Variants in SHROOM3 observed in about 807,000 individuals in gnomAD.
SHROOM3 encodes the protein shroom family member 3, also known as protein Shroom3.
Under a neutral mutation model 138.6 loss-of-function variants are expected in SHROOM3, and 47 were observed. The observed-to-expected ratio is 0.34, with a 90% confidence interval of 0.27 to 0.43. The LOEUF (loss-of-function observed/expected upper bound fraction) is 0.43. Ranked by LOEUF, SHROOM3 falls within the 20% of genes least tolerant of loss-of-function variation. SHROOM3 has a pLI of 1.00. For synonymous variants in SHROOM3, 1,062 were observed against 1,063.3 expected (o/e 1.00, Z 0.02); for missense variants, 2,491 against 2,596.5 (o/e 0.96, Z 0.88).
In SHROOM3 at chr4:76,740,240, C is replaced by G. The variant is rs547875955; in HGVS notation, c.2067C>G (p.Pro689=). The part of the protein sequence containing the change: ...ELGRGTQEGY[P]GGRPTCAVNT... ...GCCGGGGAACCCAGGAGGGTTACCCCGGGGGCAGGCCCACCTGTGCAGTCA... is the reference window on the plus strand; with the variant it reads ...GCCGGGGAACCCAGGAGGGTTACCCGGGGGGCAGGCCCACCTGTGCAGTCA... The change falls in exon 5 of 11, where the codon CCC becomes CCG. Residue 689 remains proline (P), a synonymous_variant. Coordinates refer to ENST00000296043, the MANE Select transcript of SHROOM3 (RefSeq NM_020859.4). The surrounding 1 kb of genome is among the most constrained non-coding windows in gnomAD (Gnocchi z 4.0). 1.9e-6 allele frequency: 3 copies of G among 1,613,236 alleles called. No homozygotes were observed. Among genetic ancestry groups the G allele is most frequent in the East Asian group, 4.5e-5 (2 of 44,854 alleles).
At chr4:76,603,679 C>T (rs1384410669) in intron 2 of SHROOM3, among the ~76,000 whole-genome samples, 2 of 151,792 alleles carry the variant, frequency 1.3e-5, no homozygotes, top group Non-Finnish European at 2.9e-5. Context: ...GTTTGCTGCA[C>T]CCATCAACTC....
chr4:76,722,219 T>C (rs1364957384), intron 3 of SHROOM3, among the ~76,000 whole-genome samples: 2 of 152,108 alleles, frequency 1.3e-5, no homozygotes, highest in Non-Finnish European at 2.9e-5. Flanking sequence ...TTAAAAACAA[T>C]GCTTTACTAT....
Position 76,754,873 on chromosome 4 carries a change from C to T in SHROOM3, c.4390C>T (p.Pro1464Ser), listed in dbSNP as rs150072471. The T allele has an allele frequency of 2.5e-4, 396 of 1,614,200 alleles. No individual in the cohort carries two copies. The highest frequency in any genetic ancestry group is 3.2e-4 in the Non-Finnish European group (375 of 1,180,028). ...LKHYQKQQSL[P>S]SLCSTSDPDT... Reference sequence around the variant, plus strand: ...GCACTATCAAAAACAGCAGAGTCTTCCAAGTTTATGCAGCACTTCTGACCC... The same window carrying T: ...GCACTATCAAAAACAGCAGAGTCTTTCAAGTTTATGCAGCACTTCTGACCC... The change falls in exon 7 of 11, where the codon CCA (proline) becomes TCA (serine). Residue 1464 changes from proline (P) to serine (S), a missense_variant. Around this residue, in one of 4 missense-constraint regions of SHROOM3, gnomAD observed 1,733 missense variants for 1,661.6 expected, o/e 1.04. Coordinates refer to ENST00000296043, the MANE Select transcript of SHROOM3 (RefSeq NM_020859.4).
In SHROOM3 at chr4:76,555,746, C is replaced by T. The variant is rs371647510; in HGVS notation, c.306C>T (p.Leu102=). Reference sequence around the variant, plus strand: ...TGGTGAAAGGATCCTACAAGACCCTCAGGCTGGTAGTGCGCAGGTAGGTGG... The same window carrying T: ...TGGTGAAAGGATCCTACAAGACCCTTAGGCTGGTAGTGCGCAGGTAGGTGG... ...VSLVKGSYKT[L]RLVVRRDVCT... The change falls in exon 2 of 11, where the codon CTC becomes CTT. Residue 102 remains leucine, a synonymous_variant. Coordinates refer to ENST00000296043, the MANE Select transcript of SHROOM3 (RefSeq NM_020859.4). 4 of 1,613,322 alleles carry T rather than the reference C, an allele frequency of 2.5e-6. No individual in the cohort carries two copies. Among genetic ancestry groups the T allele is most frequent in the African/African-American group, 2.7e-5 (2 of 74,918 alleles).
At chr4:76,612,616 A>C (rs1734786456) in intron 2 of SHROOM3, among the ~76,000 whole-genome samples, 1 of 152,168 alleles carries the variant, frequency 6.6e-6, no homozygotes, top group South Asian at 2.1e-4. Context: ...ATATTATTTC[A>C]GGCAAGATTT....
Position 76,471,760 on chromosome 4 carries a change from C to G in SHROOM3, c.168+35540C>G, listed in dbSNP as rs552151423. ...CACCATTTTTTGAACACTTACTGCTCCCAGGCTCTGAACATCTGAAGAAAC... is the reference window on the plus strand; with the variant it reads ...CACCATTTTTTGAACACTTACTGCTGCCAGGCTCTGAACATCTGAAGAAAC... On this transcript the variant is annotated intron_variant, in intron 1 of 10. Transcript: ENST00000296043. Among the ~76,000 whole-genome samples, 7 of 152,240 alleles carry G rather than the reference C, an allele frequency of 4.6e-5. No homozygotes were observed. The East Asian group carries it at 1.4e-3, about 30-fold the overall frequency.
In SHROOM3 at chr4:76,741,088, A is replaced by C; in HGVS notation, c.2915A>C (p.Glu972Ala). 1 of 1,542,970 alleles carries C rather than the reference A, an allele frequency of 6.5e-7. No individual in the cohort carries two copies. Among genetic ancestry groups the C allele is most frequent in the Non-Finnish European group, 8.7e-7 (1 of 1,144,344 alleles). Reference sequence around the variant, plus strand: ...GCCCACGTGGGGCTGCGGAGCCCCGAGGCGTCGGCCTCCGCCTCCCCGCAC... The same window carrying C: ...GCCCACGTGGGGCTGCGGAGCCCCGCGGCGTCGGCCTCCGCCTCCCCGCAC... ...SSAHVGLRSP[E>A]ASASASPHTP... is the part of the protein sequence containing the mutation. The change falls in exon 5 of 11, where the codon GAG becomes GCG. Residue 972 changes from glutamate (E) to alanine (A), a missense_variant. Transcript: ENST00000296043. This position sits in a 1 kb window ranked among gnomAD's most constrained non-coding sequence, Gnocchi z 6.2.
At position 76,555,609 on chromosome 4, in the gene SHROOM3, G is replaced by A. The variant is rs766151665; in HGVS notation, c.169G>A (p.Val57Ile). ...CTGTCGCATCTCTCCCTCCAAGCAG[G>A]TCGAAGAAGGGGGCAAAGCAGACAC... The part of the protein sequence containing the change: ...EHGEPLIISK[V>I]EEGGKADTLS... The change falls in exon 2 of 11, where the codon GTC becomes ATC. Residue 57 changes from valine to isoleucine, a missense_variant and splice_region_variant. Physicochemically the swap from Val to Ile is conservative, Grantham distance 29. Transcript: ENST00000296043. 8.1e-6 allele frequency: 13 copies of A among 1,613,250 alleles called. No homozygotes were observed. The African/African-American group carries it at 1.6e-4, about 20-fold the overall frequency.
intron 6 of SHROOM3, among the ~76,000 whole-genome samples, chr4:76,753,119 C>T (rs1721685852): frequency 6.6e-6 from 1 of 152,142 alleles, no homozygotes; most frequent in Admixed American, 6.5e-5. Context: ...CCAGGAAGTG[C>T]AGAGTGGCTA....
chr4:76,440,166 G>A (rs537474292), intron 1 of SHROOM3, among the ~76,000 whole-genome samples: 6 of 152,322 alleles, frequency 3.9e-5, no homozygotes, highest in African/African-American at 1.4e-4. Flanking sequence ...TTTAGTGTTT[G>A]TGATGTTCCA....
At position 76,651,401 on chromosome 4, in the gene SHROOM3, A is replaced by AATATATATATAT. The variant is rs33994270; in HGVS notation, c.324-58721_324-58710dup. 5.3e-3 allele frequency among the ~76,000 whole-genome samples: 462 copies of AATATATATATAT among 86,534 alleles called. 13 individuals are homozygous for AATATATATATAT. The highest frequency in any genetic ancestry group is 7.2e-3 in the Non-Finnish European group (297 of 41,058). The allele number at this position is 86,534 out of a possible 152,430, so 56.8% of individuals were successfully genotyped here. On this transcript the variant is annotated intron_variant, in intron 2 of 10. Coordinates refer to ENST00000296043, the MANE Select transcript of SHROOM3 (RefSeq NM_020859.4). ...ATTAACACATCTCATGTAACCCATA[A>AATATATATATAT]ATATATATATATATATATATATATA...
intron 2 of SHROOM3, among the ~76,000 whole-genome samples, chr4:76,569,920 T>A (rs1733801893): frequency 6.6e-6 from 1 of 152,090 alleles, no homozygotes; most frequent in South Asian, 2.1e-4. Flanking sequence ...ACCCCATGAA[T>A]CTTTCCTGCC....
intron 2 of SHROOM3, among the ~76,000 whole-genome samples, chr4:76,588,945 C>T (rs1244577275): frequency 6.6e-6 from 1 of 152,008 alleles, no homozygotes; most frequent in Admixed American, 6.6e-5. Flanking sequence ...ATTTTGGTGA[C>T]GGGTGGGAAG....
chr4:76,626,168 G>A (rs755418735), intron 2 of SHROOM3, among the ~76,000 whole-genome samples: 2 of 152,130 alleles, frequency 1.3e-5, no homozygotes, highest in African/African-American at 2.4e-5. Context: ...TTCATCAGGC[G>A]AACCCTAATT....
intron 6 of SHROOM3, among the ~76,000 whole-genome samples, chr4:76,753,236 C>T (rs1316538351): frequency 6.6e-6 from 1 of 152,162 alleles, no homozygotes; most frequent in East Asian, 1.9e-4. Flanking sequence ...CCCTTTATTC[C>T]ATCATCTGCA....
chr4:76,462,752 C>T (rs1731168728), intron 1 of SHROOM3, among the ~76,000 whole-genome samples: 1 of 151,174 alleles, frequency 6.6e-6, no homozygotes, highest in African/African-American at 2.4e-5. Context: ...CCATCTCCCT[C>T]TCCCTCTCCC....
intron 1 of SHROOM3, among the ~76,000 whole-genome samples, chr4:76,496,450 T>C (rs1017636194): frequency 2.0e-5 from 3 of 152,224 alleles, no homozygotes; most frequent in Non-Finnish European, 4.4e-5. Flanking sequence ...AGGAGACCCT[T>C]TTGTGGTGGT....
chr4:76,520,032 C>A (rs1322392655), intron 1 of SHROOM3, among the ~76,000 whole-genome samples: 5 of 152,120 alleles, frequency 3.3e-5, no homozygotes, highest in Non-Finnish European at 7.3e-5. Flanking sequence ...ATTCCATTGT[C>A]CAGCTAATCC....
chr4:76,685,615 A>C (rs55711430), intron 2 of SHROOM3, among the ~76,000 whole-genome samples: 19,506 of 152,248 alleles, frequency 0.13, 1,344 homozygotes, highest in African/African-American at 0.17. Context: ...TAGTTGTAAT[A>C]ATAGAAGGAA....
Sources: allele counts gnomAD v4.1 joint callset (sites outside exome capture counted in the v4.1 genomes callset), GRCh38; gene constraint gnomAD v4.1.1; regional missense constraint gnomAD v4.1.1; non-coding constraint Gnocchi (gnomAD v3.1); transcripts MANE v1.5; gene names NCBI Gene and HGNC (gene_info 2026-07-23, HGNC 2026-07-21).